The following RBM18 variants were observed in gnomAD, a reference collection of about 807,000 sequenced individuals.
The protein encoded by RBM18 is RNA binding motif protein 18, also known as probable RNA-binding protein 18.
RBM18 carries 18 observed loss-of-function variants against 26.4 expected under a neutral mutation model. That is an observed-to-expected ratio of 0.68 (90% CI 0.47 to 1.01). RBM18 has a LOEUF of 1.01. Ranked by LOEUF, RBM18 falls within the 50% of genes least tolerant of loss-of-function variation. The pLI is 0.00. For synonymous variants in RBM18, 74 were observed against 81.1 expected, an observed-to-expected ratio of 0.91 and a Z score of 0.47; for missense variants, 180 against 219.2, an observed-to-expected ratio of 0.82 and a Z score of 1.13.
chr9:122,241,338 C>T lies in RBM18; in HGVS notation c.*546G>A, dbSNP rs1333713552. The T allele has an allele frequency of 6.6e-6, 1 of 152,418 alleles. No individual in the cohort carries two copies. Among genetic ancestry groups the T allele is most frequent in the African/African-American group, 2.4e-5 (1 of 41,446 alleles). The allele number at this position is 152,418 out of a possible 1,614,324, so 9.4% of individuals were successfully genotyped here. A position where few individuals can be genotyped will look rare whatever the true frequency, so the allele number is the denominator to read the frequency against. On this transcript the variant is annotated 3_prime_UTR_variant, in exon 6 of 6. Transcript: ENST00000417201. ...TAAACAGATTACTACAACATTTGTTCAAAGAATCAGCTCCTTTTTGCCAAG... is the reference window on the plus strand; with the variant it reads ...TAAACAGATTACTACAACATTTGTTTAAAGAATCAGCTCCTTTTTGCCAAG...
intron 2 of RBM18, among the ~76,000 whole-genome samples, chr9:122,256,745 C>T (rs1657982582): frequency 6.6e-6 from 1 of 152,172 alleles, no homozygotes; most frequent in African/African-American, 2.4e-5. Flanking sequence ...TAAGCCAACT[C>T]ACTTCACTCT....
At chr9:122,258,242 T>A (rs1831729568) in intron 2 of RBM18, among the ~76,000 whole-genome samples, 1 of 152,190 alleles carries the variant, frequency 6.6e-6, no homozygotes. Context: ...ATGTTAACCA[T>A]AAGCTATGAT....
At chr9:122,257,356 C>T (rs1480354753) in intron 2 of RBM18, among the ~76,000 whole-genome samples, 1 of 152,140 alleles carries the variant, frequency 6.6e-6, no homozygotes, top group South Asian at 2.1e-4. Context: ...CTGTGTTAGC[C>T]GGGATGGTCT....
chr9:122,255,300 A>C (rs781104745), intron 2 of RBM18, among the ~76,000 whole-genome samples: 2 of 152,236 alleles, frequency 1.3e-5, no homozygotes, highest in Non-Finnish European at 2.9e-5. Flanking sequence ...AGACATAAAA[A>C]GAAGTATGGA....
At chr9:122,254,065 C>T (rs1436126478) in intron 2 of RBM18, among the ~76,000 whole-genome samples, 1 of 150,466 alleles carries the variant, frequency 6.6e-6, no homozygotes, top group Non-Finnish European at 1.5e-5. Context: ...AAAACACACA[C>T]ACACAAAAAA....
Position 122,254,308 on chromosome 9 carries a change from T to C in RBM18, c.114-2335A>G, listed in dbSNP as rs535611929. 2.6e-5 allele frequency: 25 copies of C among 963,824 alleles called. No homozygotes were observed. The African/African-American group carries it at 4.2e-4, about 16-fold the overall frequency. 59.7% of individuals were successfully genotyped at this position (963,824 alleles called of 1,614,324 possible). ...CCAGGAACATCTGCTTAGGTTTGTG[T>C]CTTTCAACTTCTCCAGGATTTCTTT... On this transcript the variant is annotated intron_variant, in intron 2 of 5. Coordinates refer to ENST00000417201, the MANE Select transcript of RBM18 (RefSeq NM_033117.4).
intron 5 of RBM18, among the ~76,000 whole-genome samples, chr9:122,243,441 A>G (rs1008614494): frequency 6.6e-6 from 1 of 152,200 alleles, no homozygotes; most frequent in Non-Finnish European, 1.5e-5. Context: ...TTCTCCATCA[A>G]GTTAAGAGCT....
At chr9:122,242,180 A>G in intron 5 of RBM18, 137 bp from the exon 6 acceptor site, 1 of 840,992 alleles carries the variant, frequency 1.2e-6, no homozygotes, top group South Asian at 2.0e-5. Flanking sequence ...AACATTTTAT[A>G]TAAAAGCCAG....
chr9:122,247,425 A>C, intron 4 of RBM18, 93 bp downstream of exon 4: 40 of 1,021,194 alleles, frequency 3.9e-5, no homozygotes, highest in Middle Eastern at 2.0e-4. Flanking sequence ...TCAGGTGTGA[A>C]GAGATTGGGA....
At chr9:122,249,062 A>T (rs577790306) in intron 3 of RBM18, among the ~76,000 whole-genome samples, 1 of 152,246 alleles carries the variant, frequency 6.6e-6, no homozygotes, top group Non-Finnish European at 1.5e-5. Flanking sequence ...GCACTCTATT[A>T]GTTCCAAAGT....
At chr9:122,255,323 A>G (rs1750152637) in intron 2 of RBM18, among the ~76,000 whole-genome samples, 1 of 152,216 alleles carries the variant, frequency 6.6e-6, no homozygotes, top group Admixed American at 6.5e-5. Context: ...ATGAGGAGAC[A>G]TAAGGTATGG....
rs1208691950 is a variant in RBM18 at position 122,238,573 on chromosome 9, AAAG to A, written c.*3308_*3310del. 1 of 152,230 alleles carries A rather than the reference AAAG, an allele frequency of 6.6e-6. No individual in the cohort carries two copies. Among genetic ancestry groups the A allele is most frequent in the African/African-American group, 2.4e-5 (1 of 41,456 alleles). 9.4% of individuals were successfully genotyped at this position (152,230 alleles called of 1,614,324 possible). ...TTGAAGTAGAAGCTCCCTTGTATTCAAAGAATAGCAAGAAGGCCAACGTGGCTG... is the reference window on the plus strand; with the variant it reads ...TTGAAGTAGAAGCTCCCTTGTATTCAAATAGCAAGAAGGCCAACGTGGCTG... On this transcript the variant is annotated 3_prime_UTR_variant, in exon 6 of 6. Transcript: ENST00000417201.
At chr9:122,263,621 G>A (rs1831876359) in intron 1 of RBM18, among the ~76,000 whole-genome samples, 1 of 152,194 alleles carries the variant, frequency 6.6e-6, no homozygotes, top group African/African-American at 2.4e-5. Context: ...TATAATTAGT[G>A]ATACATGCCA....
At chr9:122,245,877 AACT>A (rs1831498738) in intron 4 of RBM18, among the ~76,000 whole-genome samples, 1 of 152,086 alleles carries the variant, frequency 6.6e-6, no homozygotes, top group African/African-American at 2.4e-5. Context: ...CTGTAGTCCC[AACT>A]ACTTAGGAGG....
chr9:122,261,279 G>A lies in RBM18; in HGVS notation c.113+101C>T, dbSNP rs1485367645. The A allele has an allele frequency of 1.7e-5, 13 of 763,804 alleles. No homozygotes were observed. In the East Asian group the frequency reaches 3.0e-4, roughly 17 times the overall value. The allele number at this position is 763,804 out of a possible 1,614,324, so 47.3% of individuals were successfully genotyped here. On this transcript the variant is annotated intron_variant, in intron 2 of 5. Coordinates refer to ENST00000417201, the MANE Select transcript of RBM18 (RefSeq NM_033117.4). Reference sequence around the variant, plus strand: ...CTCCGAAGACACGATGTAAGTAAAAGGGTCTAAGTATATCCCACACCCCTT... The same window carrying A: ...CTCCGAAGACACGATGTAAGTAAAAAGGTCTAAGTATATCCCACACCCCTT...
chr9:122,255,151 G>A (rs538476758), intron 2 of RBM18, among the ~76,000 whole-genome samples: 24 of 152,196 alleles, frequency 1.6e-4, no homozygotes, highest in Non-Finnish European at 2.8e-4. Context: ...ATTTGTTGTA[G>A]AGAAAATTTT....
chr9:122,247,918 G>C (rs903684516), intron 3 of RBM18, among the ~76,000 whole-genome samples: 1 of 151,604 alleles, frequency 6.6e-6, no homozygotes, highest in African/African-American at 2.4e-5. Flanking sequence ...CCGAATAGCT[G>C]GGACTACAGG....
chr9:122,261,652 G>A (rs1212197264), intron 1 of RBM18, 144 bp from the exon 2 acceptor site: 2 of 614,088 alleles, frequency 3.3e-6, no homozygotes, highest in East Asian at 2.8e-5. Context: ...CACAACCAGG[G>A]CCCCAGAACC....
chr9:122,243,759 C>T (rs1040146146), intron 5 of RBM18: 31 of 985,178 alleles, frequency 3.1e-5, no homozygotes, highest in Non-Finnish European at 3.5e-5. Context: ...TGCATTCTGG[C>T]CCCTCTTCCA....
Sources: gnomAD v4.1 joint callset for allele counts (sites outside exome capture counted in the v4.1 genomes callset) on GRCh38, gnomAD v4.1.1 for gene constraint, MANE v1.5 for transcripts, NCBI Gene and HGNC (gene_info 2026-07-23, HGNC 2026-07-21) for gene names.